The following RTL4 variants were observed in gnomAD, a reference collection of about 807,000 sequenced individuals.
RTL4 encodes retrotransposon Gag-like protein 4.
A neutral mutation model predicts 5.3 loss-of-function variants in RTL4; 4 were observed. That is an observed-to-expected ratio of 0.75 (90% CI 0.37 to 1.72). The LOEUF is 1.72. Among genes scored for constraint, RTL4 ranks in the 40% most tolerant of loss-of-function variants. The pLI is 0.04. For synonymous variants in RTL4, 98 were observed against 87.3 expected, an observed-to-expected ratio of 1.12 and a Z score of -0.68; for missense variants, 260 against 227.1, an observed-to-expected ratio of 1.14 and a Z score of -0.93.
At chrX:112,161,838 TTCCTTC>T in the RTL4 span, among the ~76,000 whole-genome samples, 206 of 45,143 alleles carry the variant, frequency 4.6e-3, 11 homozygotes, top group East Asian at 0.016. Flanking sequence ...CCTTCCTTCC[TTCCTTC>T]CTTTCTTTCT....
the RTL4 span, among the ~76,000 whole-genome samples, chrX:112,401,283 C>A: frequency 9.0e-6 from 1 of 111,012 alleles, no homozygotes; most frequent in Non-Finnish European, 1.9e-5. Context: ...CCTCCACTCA[C>A]CCCATAATCT....
At chrX:112,172,318 C>T in the RTL4 span, among the ~76,000 whole-genome samples, 1 of 110,092 alleles carries the variant, frequency 9.1e-6, no homozygotes, top group Admixed American at 9.6e-5. Flanking sequence ...GAGTAAGACT[C>T]TGTCAAAAAA....
chrX:112,352,401 A>G, the RTL4 span, among the ~76,000 whole-genome samples: 92 of 111,455 alleles, frequency 8.3e-4, no homozygotes, highest in Non-Finnish European at 1.4e-3. Context: ...GAACAAAGCC[A>G]GAGGCATCAC....
the RTL4 span, among the ~76,000 whole-genome samples, chrX:112,084,559 G>A: frequency 9.0e-6 from 1 of 110,862 alleles, no homozygotes; most frequent in Non-Finnish European, 1.9e-5. Context: ...CAGTTTTACT[G>A]TGAACCAGCA....
the RTL4 span, among the ~76,000 whole-genome samples, chrX:112,106,470 A>T: frequency 2.7e-5 from 3 of 112,051 alleles, no homozygotes; most frequent in African/African-American, 9.7e-5. Context: ...TAAACATGGG[A>T]GTGGAATAAA....
chrX:112,137,571 C>T, the RTL4 span, among the ~76,000 whole-genome samples: 1 of 111,240 alleles, frequency 9.0e-6, no homozygotes, highest in African/African-American at 3.3e-5. Context: ...AAGAAACCAC[C>T]CCCATGATCC....
the RTL4 span, among the ~76,000 whole-genome samples, chrX:112,135,217 A>G: frequency 8.9e-6 from 1 of 112,029 alleles, no homozygotes; most frequent in African/African-American, 3.2e-5. Flanking sequence ...AACACTTAGT[A>G]AGGTCAACCT....
At chrX:112,369,303 C>G in the RTL4 span, among the ~76,000 whole-genome samples, 1 of 111,966 alleles carries the variant, frequency 8.9e-6, no homozygotes, top group Admixed American at 9.4e-5. Flanking sequence ...GTGATAGGTG[C>G]TACTTTCTCA....
At chrX:112,156,148 T>G in the RTL4 span, among the ~76,000 whole-genome samples, 584 of 112,492 alleles carry the variant, frequency 5.2e-3, 1 homozygote, top group African/African-American at 0.018. Context: ...ACCTTCTTTT[T>G]TTGAGTCTTC....
the RTL4 span, among the ~76,000 whole-genome samples, chrX:112,230,139 G>A: frequency 2.7e-5 from 3 of 112,687 alleles, no homozygotes; most frequent in Non-Finnish European, 5.6e-5. Flanking sequence ...GGAGCCTACA[G>A]AGGCAGGCAG....
At chrX:112,451,933 G>A (rs995604292), upstream of RTL4, among the ~76,000 whole-genome samples, 3 of 111,435 alleles carry the variant, frequency 2.7e-5, no homozygotes, top group South Asian at 3.8e-4. Context: ...TTTTGCACAA[G>A]AGCCACCGGC....
chrX:112,190,172 C>CTTTCTTTCTT, the RTL4 span, among the ~76,000 whole-genome samples: 27 of 92,260 alleles, frequency 2.9e-4, no homozygotes, highest in Non-Finnish European at 4.8e-4. Context: ...TTCTTTCTTT[C>CTTTCTTTCTT]TTTCTTTCTT....
At chrX:112,178,272 G>A in the RTL4 span, among the ~76,000 whole-genome samples, 11 of 111,563 alleles carry the variant, frequency 9.9e-5, no homozygotes, top group African/African-American at 3.6e-4. Flanking sequence ...CATGTAAGCA[G>A]CTTTCCCCGA....
the RTL4 span, among the ~76,000 whole-genome samples, chrX:112,392,828 A>T: frequency 8.9e-6 from 1 of 111,977 alleles, no homozygotes; most frequent in Admixed American, 9.4e-5. Flanking sequence ...CCTCTTTAAA[A>T]AGCAATCTGG....
At chrX:112,233,884 C>T in the RTL4 span, among the ~76,000 whole-genome samples, 1 of 111,626 alleles carries the variant, frequency 9.0e-6, no homozygotes, top group Non-Finnish European at 1.9e-5. Flanking sequence ...GACATGGATG[C>T]CAATTTGCCT....
the RTL4 span, among the ~76,000 whole-genome samples, chrX:112,100,377 G>A: frequency 9.1e-6 from 1 of 110,163 alleles, no homozygotes; most frequent in African/African-American, 3.3e-5. Flanking sequence ...GACACAGATT[G>A]TTAGGAAAAT....
the RTL4 span, among the ~76,000 whole-genome samples, chrX:112,227,719 G>A: frequency 8.9e-6 from 1 of 111,816 alleles, no homozygotes; most frequent in East Asian, 2.8e-4. Flanking sequence ...CGGTAATATC[G>A]AGTGAGATTC....
chrX:112,120,422 G>A, the RTL4 span, among the ~76,000 whole-genome samples: 4 of 110,888 alleles, frequency 3.6e-5, no homozygotes, highest in East Asian at 8.5e-4. Flanking sequence ...GACTACAGGC[G>A]CCCGCCACCA....
the RTL4 span, among the ~76,000 whole-genome samples, chrX:112,221,098 T>C: frequency 8.9e-6 from 1 of 112,290 alleles, no homozygotes; most frequent in Non-Finnish European, 1.9e-5. Context: ...AGAGGTTTAA[T>C]TGACTCACAG....
Sources: gnomAD v4.1 joint callset for allele counts (sites outside exome capture counted in the v4.1 genomes callset) on GRCh38, gnomAD v4.1.1 for gene constraint, MANE v1.5 for transcripts, NCBI Gene and HGNC (gene_info 2026-07-23, HGNC 2026-07-21) for gene names.